Variants in TUBB2B observed in about 807,000 individuals in gnomAD.
TUBB2B encodes the protein tubulin beta 2B class IIb.
TUBB2B carries 5 observed loss-of-function variants against 35.0 expected under a neutral mutation model. That is an observed-to-expected ratio of 0.14 (90% CI 0.07 to 0.30). The LOEUF is 0.30. Among genes scored for constraint, TUBB2B ranks in the 10% least tolerant of loss-of-function variants. The pLI, the probability that TUBB2B is intolerant of heterozygous loss-of-function variation, is 1.00. For missense variants in TUBB2B, 63 were observed against 601.8 expected (o/e 0.10, Z 9.37); for synonymous variants, 166 against 250.5 (o/e 0.66, Z 3.18).
chr6:3,224,711 T>C lies in TUBB2B; in HGVS notation c.*40A>G. The C allele has an allele frequency of 6.2e-7, 1 of 1,610,660 alleles. No individual in the cohort carries two copies. Among genetic ancestry groups the C allele is most frequent in the Non-Finnish European group, 8.5e-7 (1 of 1,177,598 alleles). On this transcript the variant is annotated 3_prime_UTR_variant, in exon 4 of 4. Coordinates refer to ENST00000259818, the MANE Select transcript of TUBB2B (RefSeq NM_178012.5). ...CCCGGGAAGCCCCCCACCCCCTCGC[T>C]TTCCTCCTCCGCTTTCCCTAACCCG... is the stretch of plus-strand genomic sequence containing the variant.
Position 3,226,276 on chromosome 6 carries a change from G to T in TUBB2B, c.167-7C>A. ...CGAGGAACATATTTGTTACCTGCAA[G>T]GAACAACAGTGACTTAGACCCTCAG... On this transcript the variant is annotated splice_polypyrimidine_tract_variant and splice_region_variant and intron_variant, in intron 2 of 3. Coordinates refer to ENST00000259818, the MANE Select transcript of TUBB2B (RefSeq NM_178012.5). The surrounding 1 kb of genome is among the most constrained non-coding windows in gnomAD (Gnocchi z 5.5). 1.9e-6 allele frequency: 3 copies of T among 1,612,128 alleles called. No homozygotes were observed. Among genetic ancestry groups the T allele is most frequent in the Non-Finnish European group, 1.7e-6 (2 of 1,178,360 alleles).
At position 3,224,372 on chromosome 6, in the gene TUBB2B, A is replaced by C. The variant is rs564616097; in HGVS notation, c.*379T>G. 3.3e-6 allele frequency: 1 copy of C among 301,358 alleles called. No homozygotes were observed. The highest frequency in any genetic ancestry group is 2.1e-5 in the African/African-American group (1 of 46,542). The allele number at this position is 301,358 out of a possible 1,614,324, so 18.7% of individuals were successfully genotyped here. On this transcript the variant is annotated 3_prime_UTR_variant, in exon 4 of 4. Transcript: ENST00000259818. ...TCAATTTTACCATACCGAAAGAATA[A>C]ATTCATTTGAGCTTTTACCTACGCC...
In TUBB2B at chr6:3,227,055, T is replaced by G. The variant is rs960189292; in HGVS notation, c.58-386A>C. On this transcript the variant is annotated intron_variant, in intron 1 of 3. Transcript: ENST00000259818. This position sits in a 1 kb window ranked among gnomAD's most constrained non-coding sequence, Gnocchi z 7.8. ...ACGCAAAGGAGCTAAAGGACCGCGG[T>G]TTTAGATTCAAAGCACGTCCTGAGA... Among the ~76,000 whole-genome samples the G allele has an allele frequency of 6.6e-5, 10 of 151,944 alleles. No individual in the cohort carries two copies. Among genetic ancestry groups the G allele is most frequent in the Non-Finnish European group, 1.3e-4 (9 of 67,972 alleles).
intron 3 of TUBB2B, 92 bp from the exon 4 acceptor site, chr6:3,225,903 C>T: frequency 6.4e-7 from 1 of 1,569,732 alleles, no homozygotes. Context: ...AGTCAATGCT[C>T]AGATAAGACT....
At position 3,226,617 on chromosome 6, in the gene TUBB2B, T is replaced by C; in HGVS notation, c.110A>G (p.His37Arg). 7 of 1,614,196 alleles carry C rather than the reference T, an allele frequency of 4.3e-6. No individual in the cohort carries two copies. Among genetic ancestry groups the C allele is most frequent in the South Asian group, 1.1e-5 (1 of 91,080 alleles). ...EHGIDPTGSY[H>R]GDSDLQLERI... is the part of the protein sequence containing the mutation. ...CTCCAGCTGCAAATCACTGTCTCCA[T>C]GGTAACTGCCAGTGGGGTCAATCCC... The change falls in exon 2 of 4, where the codon CAT becomes CGT. Residue 37 changes from histidine to arginine, a missense_variant. This residue lies in a region of TUBB2B where 25 missense variants were observed against 120.4 expected (regional missense o/e 0.21). Transcript: ENST00000259818. This position sits in a 1 kb window ranked among gnomAD's most constrained non-coding sequence, Gnocchi z 5.5.
At position 3,224,411 on chromosome 6, in the gene TUBB2B, AAAGG is replaced by A. The variant is rs1757245332; in HGVS notation, c.*336_*339del. 5.1e-6 allele frequency: 2 copies of A among 391,000 alleles called. No individual in the cohort carries two copies. Among genetic ancestry groups the A allele is most frequent in the Non-Finnish European group, 4.6e-6 (1 of 217,966 alleles). 24.2% of individuals were successfully genotyped at this position (391,000 alleles called of 1,614,324 possible). On this transcript the variant is annotated 3_prime_UTR_variant, in exon 4 of 4. Coordinates refer to ENST00000259818, the MANE Select transcript of TUBB2B (RefSeq NM_178012.5). ...TTTACCTACGCCTTTGCTTTTTGTT[AAAGG>A]AAGAATTCAATGCAATGTGTTCAGA...
Position 3,224,428 on chromosome 6 carries a change from C to T in TUBB2B, c.*323G>A, listed in dbSNP as rs963963804. On this transcript the variant is annotated 3_prime_UTR_variant, in exon 4 of 4. Coordinates refer to ENST00000259818, the MANE Select transcript of TUBB2B (RefSeq NM_178012.5). ...TTTTTGTTAAAGGAAGAATTCAATG[C>T]AATGTGTTCAGAAAGTTACATTTAA... 1.9e-5 allele frequency: 9 copies of T among 461,858 alleles called. No homozygotes were observed. The highest frequency in any genetic ancestry group is 2.7e-5 in the Non-Finnish European group (7 of 259,554). 28.6% of individuals were successfully genotyped at this position (461,858 alleles called of 1,614,324 possible). A position where few individuals can be genotyped will look rare whatever the true frequency, so the allele number is the denominator to read the frequency against.
chr6:3,226,307 G>T lies in TUBB2B; in HGVS notation c.167-38C>A. ...ACAGTGACTTAGACCCTCAGGCAAG[G>T]ACCTCTGCAGAGAAGGGCTTGGCGC... On this transcript the variant is annotated intron_variant, in intron 2 of 3. Transcript: ENST00000259818. This position sits in a 1 kb window ranked among gnomAD's most constrained non-coding sequence, Gnocchi z 5.5. 6.4e-7 allele frequency: 1 copy of T among 1,565,560 alleles called. No individual in the cohort carries two copies. Among genetic ancestry groups the T allele is most frequent in the South Asian group, 1.1e-5 (1 of 89,522 alleles).
Position 3,224,695 on chromosome 6 carries a change from C to A in TUBB2B, c.*56G>T. 6.2e-7 allele frequency: 1 copy of A among 1,606,168 alleles called. No individual in the cohort carries two copies. Among genetic ancestry groups the A allele is most frequent in the Non-Finnish European group, 8.5e-7 (1 of 1,175,130 alleles). The stretch of plus-strand genomic sequence containing the variant: ...ACTGCCAGGTTATCGTCCCGGGAAG[C>A]CCCCCACCCCCTCGCTTTCCTCCTC... On this transcript the variant is annotated 3_prime_UTR_variant, in exon 4 of 4. Transcript: ENST00000259818.
chr6:3,227,425 C>T lies in TUBB2B; in HGVS notation c.57+62G>A, dbSNP rs374792013. On this transcript the variant is annotated intron_variant, in intron 1 of 3. Transcript: ENST00000259818. The surrounding 1 kb of genome is among the most constrained non-coding windows in gnomAD (Gnocchi z 7.8). ...CTTCCCAGGACCGCGCCTGGGGACC[C>T]CGAGGGGCTCTCGGCCCAGGTTCGC... 1.9e-6 allele frequency: 3 copies of T among 1,593,216 alleles called. No homozygotes were observed. The highest frequency in any genetic ancestry group is 2.7e-5 in the African/African-American group (2 of 74,674).
In TUBB2B at chr6:3,226,060, A is replaced by C; in HGVS notation, c.277+99T>G. The stretch of plus-strand genomic sequence containing the variant: ...TTAAAGCTAAGTTGGCACACCGCGG[A>C]TGTTCTTCATGCTTTCCCTCTGGCA... On this transcript the variant is annotated intron_variant, in intron 3 of 3. Coordinates refer to ENST00000259818, the MANE Select transcript of TUBB2B (RefSeq NM_178012.5). The surrounding 1 kb of genome is among the most constrained non-coding windows in gnomAD (Gnocchi z 5.5). The C allele has an allele frequency of 7.3e-7, 1 of 1,379,068 alleles. No individual in the cohort carries two copies. Among genetic ancestry groups the C allele is most frequent in the Non-Finnish European group, 1.0e-6 (1 of 972,746 alleles). 85.4% of individuals were successfully genotyped at this position (1,379,068 alleles called of 1,614,324 possible).
Position 3,224,982 on chromosome 6 carries a change from G to A in TUBB2B, c.1107C>T (p.Gly369=), listed in dbSNP as rs1353399316. 6.9e-7 allele frequency: 1 copy of A among 1,458,708 alleles called. No individual in the cohort carries two copies. Among genetic ancestry groups the A allele is most frequent in the African/African-American group, 1.6e-5 (1 of 64,074 alleles). 90.4% of individuals were successfully genotyped at this position (1,458,708 alleles called of 1,614,324 possible). The stretch of plus-strand genomic sequence containing the variant: ...ACAGCTCCTGGATGGCCGTGCTGTT[G>A]CCGATGAAGGTGGCCGACATCTTCA... ...RGLKMSATFI[G]NSTAIQELFK... is the part of the protein sequence containing the mutation. The change falls in exon 4 of 4, where the codon GGC becomes GGT. Residue 369 remains glycine (G), a synonymous_variant. Transcript: ENST00000259818.
chr6:3,226,727 A>C lies in TUBB2B; in HGVS notation c.58-58T>G. ...GATGCCCCCAGAAACGCCAAGGCTC[A>C]CAATGAAATGTCCCCGACTCAGTTC... On this transcript the variant is annotated intron_variant, in intron 1 of 3. Coordinates refer to ENST00000259818, the MANE Select transcript of TUBB2B (RefSeq NM_178012.5). The surrounding 1 kb of genome is among the most constrained non-coding windows in gnomAD (Gnocchi z 5.5). 5 of 1,406,224 alleles carry C rather than the reference A, an allele frequency of 3.6e-6. No homozygotes were observed. Among genetic ancestry groups the C allele is most frequent in the Non-Finnish European group, 5.0e-6 (5 of 990,474 alleles). The allele number at this position is 1,406,224 out of a possible 1,614,324, so 87.1% of individuals were successfully genotyped here. A position where few individuals can be genotyped will look rare whatever the true frequency, so the allele number is the denominator to read the frequency against.
rs1581526249 is a variant in TUBB2B at position 3,226,296 on chromosome 6, C to A, written c.167-27G>T. ...TGCAAGGAACAACAGTGACTTAGACCCTCAGGCAAGGACCTCTGCAGAGAA... is the reference window on the plus strand; with the variant it reads ...TGCAAGGAACAACAGTGACTTAGACACTCAGGCAAGGACCTCTGCAGAGAA... On this transcript the variant is annotated intron_variant, in intron 2 of 3. Transcript: ENST00000259818. This position sits in a 1 kb window ranked among gnomAD's most constrained non-coding sequence, Gnocchi z 5.5. 3.1e-6 allele frequency: 5 copies of A among 1,598,536 alleles called. No individual in the cohort carries two copies. The East Asian group carries it at 1.1e-4, about 36-fold the overall frequency.
In TUBB2B at chr6:3,226,211, C is replaced by T. The variant is rs374712202; in HGVS notation, c.225G>A (p.Ser75=). 8 of 1,614,012 alleles carry T rather than the reference C, an allele frequency of 5.0e-6. No homozygotes were observed. The highest frequency in any genetic ancestry group is 1.7e-5 in the Admixed American group (1 of 60,014). The change falls in exon 3 of 4, where the codon TCG becomes TCA. Residue 75 remains serine, a synonymous_variant. Transcript: ENST00000259818. This position sits in a 1 kb window ranked among gnomAD's most constrained non-coding sequence, Gnocchi z 5.5. Reference sequence around the variant, plus strand: ...TCTGGCCGAATGGTCCAGACCTAACCGAATCCATCGTGCCTGGCTCCAGAT... The same window carrying T: ...TCTGGCCGAATGGTCCAGACCTAACTGAATCCATCGTGCCTGGCTCCAGAT... ...LVDLEPGTMD[S]VRSGPFGQIF...
rs1394360131 is a variant in TUBB2B, at chr6:3,224,510, T to A, written c.*241A>T. ...AGAGGACACCATTCCGACACAAACG[T>A]TTATGTGATTTTAGCCATTACAACA... On this transcript the variant is annotated 3_prime_UTR_variant, in exon 4 of 4. Transcript: ENST00000259818. The A allele has an allele frequency of 1.6e-6, 1 of 627,678 alleles. No homozygotes were observed. Among genetic ancestry groups the A allele is most frequent in the Admixed American group, 3.0e-5 (1 of 33,118 alleles). 38.9% of individuals were successfully genotyped at this position (627,678 alleles called of 1,614,324 possible).
chr6:3,226,150 G>A lies in TUBB2B; in HGVS notation c.277+9C>T. 1.2e-6 allele frequency: 2 copies of A among 1,611,332 alleles called. No homozygotes were observed. The highest frequency in any genetic ancestry group is 8.5e-7 in the Non-Finnish European group (1 of 1,177,802). Reference sequence around the variant, plus strand: ...ATCCCTCATGCTCTCAGCCACACCAGGCACTCACCAAACACGAAATTGTCT... The same window carrying A: ...ATCCCTCATGCTCTCAGCCACACCAAGCACTCACCAAACACGAAATTGTCT... On this transcript the variant is annotated intron_variant, in intron 3 of 3. Coordinates refer to ENST00000259818, the MANE Select transcript of TUBB2B (RefSeq NM_178012.5). The surrounding 1 kb of genome is among the most constrained non-coding windows in gnomAD (Gnocchi z 5.5).
In TUBB2B at chr6:3,226,700, A is replaced by G. The variant is rs367839939; in HGVS notation, c.58-31T>C. 1.3e-6 allele frequency: 2 copies of G among 1,571,460 alleles called. No homozygotes were observed. The highest frequency in any genetic ancestry group is 3.3e-5 in the Admixed American group (2 of 59,950). On this transcript the variant is annotated intron_variant, in intron 1 of 3. Transcript: ENST00000259818. This position sits in a 1 kb window ranked among gnomAD's most constrained non-coding sequence, Gnocchi z 5.5. ...ACAGAAAGGCTGCATTTAGCCATGAACGATGCCCCCAGAAACGCCAAGGCT... is the reference window on the plus strand; with the variant it reads ...ACAGAAAGGCTGCATTTAGCCATGAGCGATGCCCCCAGAAACGCCAAGGCT...
Position 3,226,001 on chromosome 6 carries a change from T to G in TUBB2B, c.277+158A>C, listed in dbSNP as rs1757283463. Among the ~76,000 whole-genome samples the G allele has an allele frequency of 6.6e-6, 1 of 152,256 alleles. No homozygotes were observed. The highest frequency in any genetic ancestry group is 2.1e-4 in the South Asian group (1 of 4,834). On this transcript the variant is annotated intron_variant, in intron 3 of 3. Transcript: ENST00000259818. This position sits in a 1 kb window ranked among gnomAD's most constrained non-coding sequence, Gnocchi z 5.5. ...TAAGGAAGGCCAGGACACCAAGCTC[T>G]TAGCAGCTGAAAGGCAAACAATTTT...
Sources: gnomAD v4.1 joint callset for allele counts (sites outside exome capture counted in the v4.1 genomes callset) on GRCh38, gnomAD v4.1.1 for gene constraint, gnomAD v4.1.1 regional missense constraint, Gnocchi (gnomAD v3.1) non-coding constraint, MANE v1.5 for transcripts, NCBI Gene and HGNC (gene_info 2026-07-23, HGNC 2026-07-21) for gene names.